Variants in SUZ12 observed in about 807,000 individuals in gnomAD.
SUZ12 encodes SUZ12 polycomb repressive complex 2 subunit.
Under a neutral mutation model 87.3 loss-of-function variants are expected in SUZ12, and 17 were observed. That is an observed-to-expected ratio of 0.19 (90% CI 0.13 to 0.29). The LOEUF (loss-of-function observed/expected upper bound fraction) is 0.29. Ranked by LOEUF, SUZ12 falls within the 10% of genes least tolerant of loss-of-function variation. SUZ12 has a pLI of 1.00. For synonymous variants in SUZ12, 253 were observed against 312.4 expected (o/e 0.81, Z 2.01); for missense variants, 526 against 912.2 (o/e 0.58, Z 5.45).
chr17:31,979,344 A>G (rs951461401), intron 8 of SUZ12, among the ~76,000 whole-genome samples: 1 of 152,132 alleles, frequency 6.6e-6, no homozygotes, highest in Non-Finnish European at 1.5e-5. Context: ...TTCTGATATA[A>G]CCACCGTACC....
chr17:31,999,073 T>C lies in SUZ12; in HGVS notation c.*70T>C, dbSNP rs564362901. The C allele has an allele frequency of 1.7e-5, 23 of 1,324,668 alleles. No homozygotes were observed. Among genetic ancestry groups the C allele is most frequent in the East Asian group, 2.5e-5 (1 of 40,078 alleles). The allele number at this position is 1,324,668 out of a possible 1,614,324, so 82.1% of individuals were successfully genotyped here. On this transcript the variant is annotated 3_prime_UTR_variant, in exon 16 of 16. Transcript: ENST00000322652. ...TAGGGAATTCATCCTCTAAGAATTA[T>C]GTTTTTGTTTTTAATCATATGTTCC... is the stretch of plus-strand genomic sequence containing the variant.
chr17:31,998,118 C>T lies in SUZ12; in HGVS notation c.1875-540C>T, dbSNP rs1215487572. ...TTTTTGAGACGGAGTCTCTCTCTCTCGTCCAGGCTGGAGTGCAGTGGTGTG... is the reference window on the plus strand; with the variant it reads ...TTTTTGAGACGGAGTCTCTCTCTCTTGTCCAGGCTGGAGTGCAGTGGTGTG... On this transcript the variant is annotated intron_variant, in intron 15 of 15. Transcript: ENST00000322652. Among the ~76,000 whole-genome samples, 4 of 148,962 alleles carry T rather than the reference C, an allele frequency of 2.7e-5. No individual in the cohort carries two copies. The East Asian group carries it at 5.9e-4, about 22-fold the overall frequency.
At chr17:31,970,693 C>T (rs1356141186) in intron 5 of SUZ12, among the ~76,000 whole-genome samples, 2 of 151,652 alleles carry the variant, frequency 1.3e-5, no homozygotes, top group Admixed American at 6.6e-5. Context: ...CCCAGCTACT[C>T]GGGAGGCTGA....
At chr17:31,955,759 C>A (rs528442662) in intron 4 of SUZ12, among the ~76,000 whole-genome samples, 2 of 151,690 alleles carry the variant, frequency 1.3e-5, no homozygotes, top group African/African-American at 4.8e-5. Context: ...AAAAAACTTA[C>A]AGTAGAGATC....
At chr17:31,972,410 G>T (rs1278837137) in intron 5 of SUZ12, among the ~76,000 whole-genome samples, 2 of 147,616 alleles carry the variant, frequency 1.4e-5, no homozygotes, top group African/African-American at 5.1e-5. Flanking sequence ...TATATAAATA[G>T]AAATGTGTAG....
At chr17:31,950,930 G>A (rs1906937238) in intron 4 of SUZ12, among the ~76,000 whole-genome samples, 2 of 151,976 alleles carry the variant, frequency 1.3e-5, no homozygotes, top group South Asian at 4.1e-4. Flanking sequence ...ACAGGCGCCC[G>A]CCACCTTGCC....
At chr17:31,976,230 T>C (rs1237427839) in intron 7 of SUZ12, among the ~76,000 whole-genome samples, 1 of 152,236 alleles carries the variant, frequency 6.6e-6, no homozygotes, top group Non-Finnish European at 1.5e-5. Context: ...CTCGAAGTAT[T>C]GTTTGAAGTT....
intron 4 of SUZ12, among the ~76,000 whole-genome samples, chr17:31,955,701 T>G (rs1482629952): frequency 1.3e-5 from 2 of 150,980 alleles, no homozygotes; most frequent in African/African-American, 2.4e-5. Context: ...GGAGGAGAGA[T>G]CGCGCCATTG....
intron 9 of SUZ12, among the ~76,000 whole-genome samples, chr17:31,983,340 G>A (rs368684426): frequency 2.7e-5 from 4 of 148,462 alleles, no homozygotes; most frequent in Admixed American, 6.8e-5. Context: ...CAGTGGCATG[G>A]TCTCGGCTCA....
intron 3 of SUZ12, 95 bp downstream of exon 3, chr17:31,940,581 A>G (rs1462027512): frequency 3.3e-6 from 5 of 1,495,380 alleles, no homozygotes; most frequent in Admixed American, 2.5e-5. Flanking sequence ...ACGAACAAAA[A>G]TAAGTACTAT....
intron 4 of SUZ12, among the ~76,000 whole-genome samples, chr17:31,953,526 G>A (rs1029760172): frequency 2.0e-5 from 3 of 152,042 alleles, no homozygotes; most frequent in East Asian, 1.9e-4. Flanking sequence ...TCCTGCCTCA[G>A]CCTCCTGAGT....
intron 5 of SUZ12, among the ~76,000 whole-genome samples, chr17:31,972,381 GTGTATA>G (rs1908490999): frequency 7.7e-6 from 1 of 130,536 alleles, no homozygotes; most frequent in Admixed American, 7.3e-5. Flanking sequence ...GTGTTTGTGT[GTGTATA>G]TATATATATA....
Position 31,998,703 on chromosome 17 carries a change from A to C in SUZ12, c.1920A>C (p.Val640=). 2 of 1,593,146 alleles carry C rather than the reference A, an allele frequency of 1.3e-6. No homozygotes were observed. Among genetic ancestry groups the C allele is most frequent in the Non-Finnish European group, 1.7e-6 (2 of 1,170,132 alleles). The change falls in exon 16 of 16, where the codon GTA becomes GTC. Residue 640 remains valine (V), a synonymous_variant. Coordinates refer to ENST00000322652, the MANE Select transcript of SUZ12 (RefSeq NM_015355.4). ...TGAATCATGCCTGTATGCTGTTTGT[A>C]GAAAATTATGGACAGAAAATAATTA... The part of the protein sequence containing the change: ...NQMNHACMLF[V]ENYGQKIIKK...
intron 4 of SUZ12, among the ~76,000 whole-genome samples, chr17:31,949,392 G>T (rs1170630133): frequency 6.6e-6 from 1 of 152,126 alleles, no homozygotes; most frequent in Non-Finnish European, 1.5e-5. Flanking sequence ...GGACCAGTGA[G>T]TTGGCCATTT....
rs527893091 is a variant in SUZ12 at position 31,944,417 on chromosome 17, C to CA, written c.387-3199dup. ...TGCTGGGATTACAGGTGTGAAACAC[C>CA]ACGTCCTGCTAAAAAGTACACATTT... On this transcript the variant is annotated intron_variant, in intron 3 of 15. Coordinates refer to ENST00000322652, the MANE Select transcript of SUZ12 (RefSeq NM_015355.4). 1.8e-4 allele frequency among the ~76,000 whole-genome samples: 27 copies of CA among 152,296 alleles called. No homozygotes were observed. In the East Asian group the frequency reaches 4.6e-3, roughly 26 times the overall value.
chr17:31,998,854 G>T lies in SUZ12; in HGVS notation c.2071G>T (p.Gly691Trp). 1 of 1,613,456 alleles carries T rather than the reference G, an allele frequency of 6.2e-7. No homozygotes were observed. Among genetic ancestry groups the T allele is most frequent in the Non-Finnish European group, 8.5e-7 (1 of 1,179,846 alleles). The change falls in exon 16 of 16, where the codon GGG (glycine) becomes TGG (tryptophan). Residue 691 changes from glycine (G) to tryptophan (W), a missense_variant. Transcript: ENST00000322652. ...TGAAATGCAGCAAAAATTAGAAAAG[G>T]GGGAATCTGCTTCCCCTGCAAACGA... ...LREMQQKLEKGESASPANEEI... is the reference protein window; with the variant it reads ...LREMQQKLEKWESASPANEEI...
intron 6 of SUZ12, 30 bp downstream of exon 6, chr17:31,973,261 T>G: frequency 7.6e-7 from 1 of 1,311,662 alleles, no homozygotes; most frequent in Non-Finnish European, 1.1e-6. Context: ...ATTGGTAGAT[T>G]AAATGGAATA....
rs190652731 is a variant in SUZ12 at position 31,974,938 on chromosome 17, T to C, written c.592-544T>C. On this transcript the variant is annotated intron_variant, in intron 6 of 15. Coordinates refer to ENST00000322652, the MANE Select transcript of SUZ12 (RefSeq NM_015355.4). ...TAGATAAAACCAGTTTTGTTTTTGT[T>C]TTTTTAAGGATGATGATTCTTTCTG... is the stretch of plus-strand genomic sequence containing the variant. Among the ~76,000 whole-genome samples, 27 of 152,278 alleles carry C rather than the reference T, an allele frequency of 1.8e-4. No individual in the cohort carries two copies. The East Asian group carries it at 4.8e-3, about 27-fold the overall frequency.
In SUZ12 at chr17:31,995,983, C is replaced by T. The variant is rs187655903; in HGVS notation, c.1794+221C>T. Among the ~76,000 whole-genome samples, 152 of 152,054 alleles carry T rather than the reference C, an allele frequency of 1.0e-3. 1 individual carries two copies. Among genetic ancestry groups the T allele is most frequent in the Admixed American group, 9.8e-4 (15 of 15,278 alleles). The stretch of plus-strand genomic sequence containing the variant: ...TAATCCTAGCACTTTGCGAGGCAGG[C>T]GCATTGCCTGAGTTCAGGAGTTCAA... On this transcript the variant is annotated intron_variant, in intron 14 of 15. Coordinates refer to ENST00000322652, the MANE Select transcript of SUZ12 (RefSeq NM_015355.4).
Sources: gnomAD v4.1 joint callset for allele counts (sites outside exome capture counted in the v4.1 genomes callset) on GRCh38, gnomAD v4.1.1 for gene constraint, MANE v1.5 for transcripts, NCBI Gene and HGNC (gene_info 2026-07-23, HGNC 2026-07-21) for gene names.